Variants in FSD2 observed in about 807,000 individuals in gnomAD.
FSD2 encodes the protein fibronectin type III and SPRY domain-containing protein 2.
FSD2 carries 71 observed loss-of-function variants against 80.4 expected under a neutral mutation model. The ratio of observed to expected loss-of-function variants is 0.88; its 90% CI spans 0.73 to 1.08. FSD2 has a LOEUF of 1.08. FSD2 is among the 50% of genes least tolerant of loss of function. The probability of loss-of-function intolerance (pLI) is 0.00; values close to 1 mark genes in which losing one functional copy is unlikely to be tolerated. For missense variants in FSD2, 923 were observed against 913.8 expected (o/e 1.01, Z -0.13); for synonymous variants, 361 against 329.5 (o/e 1.10, Z -1.03).
In FSD2 at chr15:82,761,964, A is replaced by G. The variant is rs962346162; in HGVS notation, c.1997+138T>C. ...CTCCTCTTACTTGGACTTTAGGGAA[A>G]GTGGCTGGCAGCAACTCCTGAAATA... On this transcript the variant is annotated intron_variant, in intron 12 of 12. Transcript: ENST00000334574. 8 of 764,914 alleles carry G rather than the reference A, an allele frequency of 1.0e-5. No individual in the cohort carries two copies. In the South Asian group the frequency reaches 1.4e-4, roughly 13 times the overall value. 47.4% of individuals were successfully genotyped at this position (764,914 alleles called of 1,614,324 possible).
In FSD2 at chr15:82,764,492, C is replaced by CTTTTTTTTTTTTT. The variant is rs60095355; in HGVS notation, c.1820+661_1820+673dup. On this transcript the variant is annotated intron_variant, in intron 11 of 12. Coordinates refer to ENST00000334574, the MANE Select transcript of FSD2 (RefSeq NM_001007122.4). ...CTCTTGTTGCTTCATTCTTTACTTG[C>CTTTTTTTTTTTTT]TTTTTTTTTTTTTTTTTTTTGAGAA... Among the ~76,000 whole-genome samples the CTTTTTTTTTTTTT allele has an allele frequency of 1.5e-3, 125 of 86,110 alleles. 13 individuals are homozygous for CTTTTTTTTTTTTT. The highest frequency in any genetic ancestry group is 6.3e-3 in the South Asian group (14 of 2,230). 56.5% of individuals were successfully genotyped at this position (86,110 alleles called of 152,430 possible).
intron 6 of FSD2, among the ~76,000 whole-genome samples, chr15:82,777,149 T>G (rs1445733607): frequency 1.3e-5 from 2 of 152,210 alleles, no homozygotes; most frequent in African/African-American, 4.8e-5. Context: ...AATAGCTTCT[T>G]GACATTGGTC....
chr15:82,788,052 C>A (rs532412782), intron 1 of FSD2, among the ~76,000 whole-genome samples: 169 of 152,202 alleles, frequency 1.1e-3, no homozygotes, highest in Non-Finnish European at 2.0e-3. Flanking sequence ...AGGCATGAAC[C>A]ACTGCGCCCA....
chr15:82,800,397 A>C (rs1024029047), intron 1 of FSD2, among the ~76,000 whole-genome samples: 1 of 152,120 alleles, frequency 6.6e-6, no homozygotes, highest in Non-Finnish European at 1.5e-5. Context: ...AAAATGATAA[A>C]AGCCCCTCAG....
intron 1 of FSD2, among the ~76,000 whole-genome samples, chr15:82,794,250 G>A (rs1230446572): frequency 2.0e-5 from 3 of 152,032 alleles, no homozygotes; most frequent in Non-Finnish European, 2.9e-5. Context: ...GGTTATTGAG[G>A]AGTGTGTTGT....
At chr15:82,772,371 G>A (rs534595674) in intron 6 of FSD2, 143 bp from the exon 7 acceptor site, 4 of 795,002 alleles carry the variant, frequency 5.0e-6, no homozygotes, top group East Asian at 5.4e-5. Flanking sequence ...ACAAGGATGG[G>A]GACATACAGC....
At position 82,786,988 on chromosome 15, in the gene FSD2, C is replaced by T. The variant is rs376156057; in HGVS notation, c.403G>A (p.Gly135Arg). 2.2e-5 allele frequency: 35 copies of T among 1,613,886 alleles called. No homozygotes were observed. The highest frequency in any genetic ancestry group is 2.1e-4 in the African/African-American group (16 of 74,932). The change falls in exon 2 of 13, where the codon GGA (glycine) becomes AGA (arginine). Residue 135 changes from glycine to arginine, a missense_variant. Physicochemically the swap from Gly to Arg is moderately radical, Grantham distance 125. Transcript: ENST00000334574. ...CACTGGCCTGCTGAGCCCCACCCTC[C>T]GAAGCCCAGGTCCTCGGCCTCCGCT... ...EAAEAEDLGFGGWGSAGQCQD... is the reference protein window; with the variant it reads ...EAAEAEDLGFRGWGSAGQCQD...
intron 1 of FSD2, among the ~76,000 whole-genome samples, chr15:82,802,165 C>G (rs2050428809): frequency 6.6e-6 from 1 of 152,146 alleles, no homozygotes; most frequent in South Asian, 2.1e-4. Flanking sequence ...AGTGTGGCTT[C>G]AAGTGAACTA....
intron 11 of FSD2, among the ~76,000 whole-genome samples, chr15:82,764,461 T>A (rs1203830701): frequency 6.6e-6 from 1 of 150,494 alleles, no homozygotes; most frequent in Non-Finnish European, 1.5e-5. Flanking sequence ...TTTCAATAAA[T>A]CTCTGCTCTT....
intron 1 of FSD2, among the ~76,000 whole-genome samples, chr15:82,800,994 A>G (rs560123516): frequency 6.6e-6 from 1 of 152,266 alleles, no homozygotes; most frequent in African/African-American, 2.4e-5. Context: ...AAACTCTCCT[A>G]CACCTGCCCC....
intron 1 of FSD2, among the ~76,000 whole-genome samples, chr15:82,796,996 T>A (rs2050287538): frequency 6.8e-6 from 1 of 146,706 alleles, no homozygotes; most frequent in Admixed American, 7.0e-5. Flanking sequence ...TTCATTGCAC[T>A]GTAAGATTTC....
intron 11 of FSD2, among the ~76,000 whole-genome samples, chr15:82,764,492 C>CTTTTTTTTGTTTTTTTTTTTTTTTTTTT (rs2049362616): frequency 1.2e-5 from 1 of 86,180 alleles, no homozygotes; most frequent in Non-Finnish European, 2.2e-5. Context: ...TCTTTACTTG[C>CTTTTTTTTGTTTTTTTTTTTTTTTTTTT]TTTTTTTTTT....
intron 9 of FSD2, among the ~76,000 whole-genome samples, 195 bp downstream of exon 9, chr15:82,768,685 A>T (rs1267401550): frequency 6.6e-6 from 1 of 152,216 alleles, no homozygotes; most frequent in African/African-American, 2.4e-5. Context: ...GGTTCAACCA[A>T]CTTATTCATT....
intron 1 of FSD2, among the ~76,000 whole-genome samples, chr15:82,803,537 A>C (rs1182534297): frequency 1.3e-5 from 2 of 151,950 alleles, no homozygotes; most frequent in Non-Finnish European, 2.9e-5. Context: ...CCTGGCTCAG[A>C]CTGTCCTGCC....
intron 1 of FSD2, among the ~76,000 whole-genome samples, chr15:82,796,592 TA>T (rs2050277354): frequency 6.6e-6 from 1 of 152,226 alleles, no homozygotes; most frequent in African/African-American, 2.4e-5. Context: ...TTTGTTGTTT[TA>T]AGCTGTCAAG....
chr15:82,785,044 C>T (rs1047756242), intron 3 of FSD2, among the ~76,000 whole-genome samples: 3 of 152,232 alleles, frequency 2.0e-5, no homozygotes, highest in Admixed American at 6.5e-5. Flanking sequence ...AAGGCTGAAC[C>T]GTGAAAGAGG....
intron 4 of FSD2, among the ~76,000 whole-genome samples, chr15:82,782,124 G>GCA (rs2049879472): frequency 7.0e-6 from 1 of 143,054 alleles, no homozygotes; most frequent in Non-Finnish European, 1.5e-5. Context: ...GGCCGGGCAT[G>GCA]GTGGCTCACG....
intron 4 of FSD2, among the ~76,000 whole-genome samples, chr15:82,781,991 G>A (rs1183884871): frequency 1.3e-5 from 2 of 150,742 alleles, no homozygotes; most frequent in East Asian, 1.9e-4. Context: ...TTGAACCCGG[G>A]AGGAAGAGGT....
chr15:82,798,044 GA>G (rs1488593120), intron 1 of FSD2, among the ~76,000 whole-genome samples: 1 of 151,992 alleles, frequency 6.6e-6, no homozygotes, highest in Non-Finnish European at 1.5e-5. Flanking sequence ...TCCAAGCACA[GA>G]AAAATATTAC....
Sources: gnomAD v4.1 joint callset for allele counts (sites outside exome capture counted in the v4.1 genomes callset) on GRCh38, gnomAD v4.1.1 for gene constraint, MANE v1.5 for transcripts, NCBI Gene and HGNC (gene_info 2026-07-23, HGNC 2026-07-21) for gene names.